The following LYST variants were observed in gnomAD, a reference collection of about 807,000 sequenced individuals.
LYST encodes lysosomal trafficking regulator.
Under a neutral mutation model 413.6 loss-of-function variants are expected in LYST, and 192 were observed. The observed-to-expected ratio is 0.46, with a 90% CI of 0.41 to 0.52. The LOEUF is 0.52. Among genes scored for constraint, LYST ranks in the 20% least tolerant of loss-of-function variants. The pLI is 0.00. For synonymous variants in LYST, 1,525 were observed against 1,567.3 expected (o/e 0.97, Z 0.64); for missense variants, 3,815 against 4,499.9 (o/e 0.85, Z 4.35).
At chr1:235,737,916 A>AATGGT in intron 31 of LYST, 1 of 1,163,406 alleles carries the variant, frequency 8.6e-7, no homozygotes, top group African/African-American at 1.6e-5. Flanking sequence ...GCTGCCGACG[A>AATGGT]GTCTGGATCT....
chr1:235,724,122 T>C lies in LYST; in HGVS notation c.9221A>G (p.Glu3074Gly), dbSNP rs1370699086. 1.2e-6 allele frequency: 2 copies of C among 1,613,714 alleles called. No individual in the cohort carries two copies. The highest frequency in any genetic ancestry group is 2.7e-5 in the African/African-American group (2 of 74,922). ...CAATTGCCACCAACGCTTGTGAACT[T>C]CTTTAATTTCTTCATATGTCCAGGA... Reference protein sequence around the residue: ...SFSWTYEEIKEVHKRWWQLRD... With the variant: ...SFSWTYEEIKGVHKRWWQLRD... Residue 3074 changes from glutamate to glycine, a missense_variant, in exon 39 of 53, where the codon GAA becomes GGA. By Grantham distance (98) the Glu-to-Gly change is moderately conservative. Coordinates refer to ENST00000389793, the MANE Select transcript of LYST (RefSeq NM_000081.4).
intron 1 of LYST, among the ~76,000 whole-genome samples, chr1:235,873,119 G>A (rs1681008438): frequency 6.6e-6 from 1 of 152,112 alleles, no homozygotes; most frequent in Non-Finnish European, 1.5e-5. Context: ...CCTGCAGTTT[G>A]TTCAAAGCAC....
intron 12 of LYST, among the ~76,000 whole-genome samples, chr1:235,789,276 TATC>T (rs1280464082): frequency 6.6e-6 from 1 of 151,672 alleles, no homozygotes; most frequent in Non-Finnish European, 1.5e-5. Context: ...TAAAAAAAAA[TATC>T]ATATTACAAA....
At chr1:235,755,347 C>T in intron 25 of LYST, 131 bp downstream of exon 25, 1 of 837,210 alleles carries the variant, frequency 1.2e-6, no homozygotes, top group Non-Finnish European at 2.0e-6. Context: ...CGAGATTGCA[C>T]CATTGCACTC....
At position 235,808,745 on chromosome 1, in the gene LYST, A is replaced by G. The variant is rs375448708; in HGVS notation, c.2073T>C (p.Asp691=). ...CAAAGTTCTGATAAGCCTTTAAAGCATCCCATTTCCACAACAAATCTTCAG... is the reference window on the plus strand; with the variant it reads ...CAAAGTTCTGATAAGCCTTTAAAGCGTCCCATTTCCACAACAAATCTTCAG... The part of the protein sequence containing the change: ...SGSEDLLWKW[D]ALKAYQNFVF... Residue 691 remains aspartate, a synonymous_variant, in exon 5 of 53, where the codon GAT becomes GAC. Coordinates refer to ENST00000389793, the MANE Select transcript of LYST (RefSeq NM_000081.4). 28 of 1,614,034 alleles carry G rather than the reference A, an allele frequency of 1.7e-5. No individual in the cohort carries two copies. Among genetic ancestry groups the G allele is most frequent in the Non-Finnish European group, 2.2e-5 (26 of 1,179,984 alleles).
At chr1:235,749,149 T>C (rs868547151) in intron 28 of LYST, among the ~76,000 whole-genome samples, 31 of 152,180 alleles carry the variant, frequency 2.0e-4, no homozygotes, top group Non-Finnish European at 4.1e-4. Context: ...TGGACTTGAA[T>C]TAGTTTTTGT....
rs570932193 is a variant in LYST at position 235,854,628 on chromosome 1, G to C, written c.-98+12215C>G. On this transcript the variant is annotated intron_variant, in intron 1 of 52. Transcript: ENST00000389793. The surrounding 1 kb of genome is among the most constrained non-coding windows in gnomAD (Gnocchi z 4.1). ...CTCATCTATACAACTGAGTTCATAAGAGTAGCTGTAGTTGTTGCGAATATC... is the reference window on the plus strand; with the variant it reads ...CTCATCTATACAACTGAGTTCATAACAGTAGCTGTAGTTGTTGCGAATATC... 6.6e-6 allele frequency among the ~76,000 whole-genome samples: 1 copy of C among 152,120 alleles called. No homozygotes were observed. Among genetic ancestry groups the C allele is most frequent in the Non-Finnish European group, 1.5e-5 (1 of 68,032 alleles).
intron 1 of LYST, among the ~76,000 whole-genome samples, chr1:235,853,820 C>T (rs1004239073): frequency 6.6e-6 from 1 of 152,134 alleles, no homozygotes; most frequent in Non-Finnish European, 1.5e-5. Context: ...GAGGAAGTCA[C>T]ACTAAAACGC....
intron 44 of LYST, among the ~76,000 whole-genome samples, chr1:235,705,511 G>A (rs1029239293): frequency 6.6e-6 from 1 of 151,568 alleles, no homozygotes; most frequent in African/African-American, 2.4e-5. Flanking sequence ...TCAGCCTTTT[G>A]AGTAGCTAAG....
At chr1:235,748,712 A>G (rs1666158616) in intron 28 of LYST, among the ~76,000 whole-genome samples, 1 of 152,220 alleles carries the variant, frequency 6.6e-6, no homozygotes, top group African/African-American at 2.4e-5. Context: ...ATGAGGTTGT[A>G]AGATTAATCT....
intron 14 of LYST, among the ~76,000 whole-genome samples, chr1:235,784,238 A>C (rs1431360222): frequency 1.3e-5 from 2 of 152,212 alleles, no homozygotes; most frequent in Non-Finnish European, 2.9e-5. Flanking sequence ...AGTTTAAGTC[A>C]ACAGAATAAA....
rs1015037975 is a variant in LYST, at chr1:235,720,901, C to T, written c.9320G>A (p.Arg3107His). Residue 3107 changes from arginine to histidine, a missense_variant, in exon 40 of 53, where the codon CGT (arginine) becomes CAT (histidine). Arg to His is a conservative substitution (Grantham distance 29, BLOSUM62 0). Transcript: ENST00000389793. ...LLLAFDNTKVRDDVYHNILTN... is the reference protein window; with the variant it reads ...LLLAFDNTKVHDDVYHNILTN... ...GAGTATATTGTGGTATACATCATCA[C>T]GAACCTAAAAGGGAAGGAGAAGAAA... is the stretch of plus-strand genomic sequence containing the variant. 12 of 1,613,274 alleles carry T rather than the reference C, an allele frequency of 7.4e-6. No homozygotes were observed. Among genetic ancestry groups the T allele is most frequent in the Admixed American group, 1.7e-5 (1 of 59,990 alleles).
At chr1:235,812,730 C>T (rs938464003) in intron 4 of LYST, among the ~76,000 whole-genome samples, 1 of 152,090 alleles carries the variant, frequency 6.6e-6, no homozygotes, top group Non-Finnish European at 1.5e-5. Flanking sequence ...ATAAGTGTTT[C>T]TGCTTCTTTA....
At chr1:235,731,239 A>C in intron 34 of LYST, 62 bp from the exon 35 acceptor site, 1 of 1,449,102 alleles carries the variant, frequency 6.9e-7, no homozygotes, top group East Asian at 2.3e-5. Context: ...GCTATAAAAA[A>C]AATCATTATA....
At chr1:235,720,989 G>T in intron 39 of LYST, 84 bp from the exon 40 acceptor site, 1 of 1,362,804 alleles carries the variant, frequency 7.3e-7, no homozygotes, top group Non-Finnish European at 1.0e-6. Context: ...TGACATTATA[G>T]ACATGTTACA....
intron 14 of LYST, among the ~76,000 whole-genome samples, chr1:235,786,190 T>C (rs1220692988): frequency 2.0e-5 from 3 of 152,194 alleles, no homozygotes; most frequent in African/African-American, 4.8e-5. Flanking sequence ...GGTATCTGCA[T>C]GCTCCCCAAA....
chr1:235,779,746 A>G (rs532354709), intron 16 of LYST, among the ~76,000 whole-genome samples: 182 of 152,260 alleles, frequency 1.2e-3, no homozygotes, highest in African/African-American at 4.3e-3. Context: ...TTACTACCCA[A>G]TAATTATTGA....
rs1305432660 is a variant in LYST, at chr1:235,854,949, C to T, written c.-98+11894G>A. 6.6e-6 allele frequency among the ~76,000 whole-genome samples: 1 copy of T among 152,134 alleles called. No homozygotes were observed. Among genetic ancestry groups the T allele is most frequent in the Non-Finnish European group, 1.5e-5 (1 of 68,026 alleles). The stretch of plus-strand genomic sequence containing the variant: ...CTCCAATTCATAGGGAAGAAGATCC[C>T]AACTGCTTATTATCAAAGTATGCAA... On this transcript the variant is annotated intron_variant, in intron 1 of 52. Coordinates refer to ENST00000389793, the MANE Select transcript of LYST (RefSeq NM_000081.4). The surrounding 1 kb of genome is among the most constrained non-coding windows in gnomAD (Gnocchi z 4.1).
intron 31 of LYST, chr1:235,738,296 T>C: frequency 2.5e-6 from 4 of 1,611,770 alleles, no homozygotes; most frequent in Non-Finnish European, 3.4e-6. Context: ...CTGAGGCACA[T>C]CGCAAGAGGG....
Sources: allele counts gnomAD v4.1 joint callset (sites outside exome capture counted in the v4.1 genomes callset), GRCh38; gene constraint gnomAD v4.1.1; non-coding constraint Gnocchi (gnomAD v3.1); transcripts MANE v1.5; gene names NCBI Gene and HGNC (gene_info 2026-07-23, HGNC 2026-07-21).